PXDNL: variants seen among roughly 807,000 people sequenced by gnomAD.
The protein encoded by PXDNL is probable oxidoreductase PXDNL.
PXDNL carries 145 observed loss-of-function variants against 150.8 expected under a neutral mutation model. The ratio of observed to expected loss-of-function variants is 0.96; its 90% CI spans 0.84 to 1.10. The LOEUF (loss-of-function observed/expected upper bound fraction) is 1.10. Among genes scored for constraint, PXDNL ranks in the 50% least tolerant of loss-of-function variants. PXDNL has a pLI of 0.00. For missense variants in PXDNL, 2,087 were observed against 1,873.9 expected (o/e 1.11, Z -2.10); for synonymous variants, 757 against 725.7 (o/e 1.04, Z -0.69).
chr8:51,731,591 A>G (rs979633828), intron 1 of PXDNL, among the ~76,000 whole-genome samples: 1 of 152,210 alleles, frequency 6.6e-6, no homozygotes, highest in Non-Finnish European at 1.5e-5. Context: ...GGGGGTTCCC[A>G]TTCCACATTC....
In PXDNL at chr8:51,654,710, T is replaced by C. The variant is rs1193795098; in HGVS notation, c.215A>G (p.Lys72Arg). Reference protein sequence around the residue: ...IREIPGSAFKKLKNLNTLLLN... With the variant: ...IREIPGSAFKRLKNLNTLLLN... The stretch of plus-strand genomic sequence containing the variant: ...TCACAGTGTGTTCAAATTCTTGAGT[T>C]TCTTGAAGGCGCTCCCTGGAATTTC... Residue 72 changes from lysine to arginine, a missense_variant, in exon 2 of 23, where the codon AAA (lysine) becomes AGA (arginine). Transcript: ENST00000356297. 6 of 1,613,264 alleles carry C rather than the reference T, an allele frequency of 3.7e-6. No homozygotes were observed. The highest frequency in any genetic ancestry group is 1.3e-5 in the African/African-American group (1 of 74,922).
chr8:51,678,546 G>T (rs575926806), intron 1 of PXDNL, among the ~76,000 whole-genome samples: 1 of 151,010 alleles, frequency 6.6e-6, no homozygotes, highest in Non-Finnish European at 1.5e-5. Flanking sequence ...CATAAAAAAT[G>T]ATGAGTTCAT....
intron 1 of PXDNL, among the ~76,000 whole-genome samples, chr8:51,659,950 G>C (rs1239612108): frequency 6.6e-6 from 1 of 151,720 alleles, no homozygotes; most frequent in Admixed American, 6.6e-5. Flanking sequence ...GAGTGCAGTG[G>C]TGAGATCTTA....
rs1563497720 is a variant in PXDNL, at chr8:51,656,303, AGC to A, written c.165-1545_165-1544del. Among the ~76,000 whole-genome samples the A allele has an allele frequency of 2.0e-3, 310 of 152,282 alleles. 1 individual carries two copies. Among genetic ancestry groups the A allele is most frequent in the African/African-American group, 7.0e-3 (291 of 41,564 alleles). On this transcript the variant is annotated intron_variant, in intron 1 of 22. Coordinates refer to ENST00000356297, the MANE Select transcript of PXDNL (RefSeq NM_144651.5). Reference sequence around the variant, plus strand: ...GCCAAAATGAGCAAAATTTTATAGGAGCTATTATTTTCAATTAAAATTATTAA... The same window carrying A: ...GCCAAAATGAGCAAAATTTTATAGGATATTATTTTCAATTAAAATTATTAA...
At chr8:51,552,715 A>G (rs980173353) in intron 4 of PXDNL, among the ~76,000 whole-genome samples, 2 of 152,188 alleles carry the variant, frequency 1.3e-5, no homozygotes, top group Non-Finnish European at 2.9e-5. Context: ...AAGACTACAC[A>G]TTGGGTGCAG....
intron 2 of PXDNL, among the ~76,000 whole-genome samples, chr8:51,639,915 G>A (rs570144812): frequency 6.6e-6 from 1 of 152,192 alleles, no homozygotes; most frequent in South Asian, 2.1e-4. Flanking sequence ...GAGAATTTTA[G>A]ACCAATATAC....
intron 1 of PXDNL, among the ~76,000 whole-genome samples, chr8:51,760,945 G>A (rs59344101): frequency 0.14 from 19,034 of 133,102 alleles, 2,324 homozygotes; most frequent in African/African-American, 0.34. Context: ...TGCAAGCTCC[G>A]CCTCCCGGGT....
intron 12 of PXDNL, among the ~76,000 whole-genome samples, chr8:51,442,025 T>C (rs1809563563): frequency 6.6e-6 from 1 of 151,894 alleles, no homozygotes; most frequent in Admixed American, 6.6e-5. Flanking sequence ...AGGCTTTTCT[T>C]CTCCTTTTTT....
At chr8:51,367,506 T>C (rs765641769) in intron 19 of PXDNL, among the ~76,000 whole-genome samples, 1 of 152,190 alleles carries the variant, frequency 6.6e-6, no homozygotes, top group Non-Finnish European at 1.5e-5. Flanking sequence ...TAGAAATAAA[T>C]CTGACAACAC....
At chr8:51,396,891 A>G (rs1324088517) in intron 17 of PXDNL, among the ~76,000 whole-genome samples, 1 of 152,238 alleles carries the variant, frequency 6.6e-6, no homozygotes, top group Non-Finnish European at 1.5e-5. Flanking sequence ...ATGGAAGGAA[A>G]AAAGGACTTA....
chr8:51,397,754 C>T (rs113754833), intron 17 of PXDNL, among the ~76,000 whole-genome samples: 5 of 152,012 alleles, frequency 3.3e-5, no homozygotes, highest in African/African-American at 1.2e-4. Flanking sequence ...TAGGGAGAGG[C>T]CTTTTTTTTT....
intron 2 of PXDNL, among the ~76,000 whole-genome samples, chr8:51,598,391 T>G (rs545092133): frequency 2.0e-5 from 3 of 152,304 alleles, no homozygotes; most frequent in Admixed American, 2.0e-4. Context: ...GCTTATTATT[T>G]TGAAGTAGAT....
chr8:51,350,111 C>A (rs772661046), intron 19 of PXDNL, among the ~76,000 whole-genome samples: 20 of 151,506 alleles, frequency 1.3e-4, no homozygotes, highest in Non-Finnish European at 2.5e-4. Flanking sequence ...GGTTTAGAGG[C>A]ATAAAGTTTA....
chr8:51,568,775 T>A (rs1000921502), intron 3 of PXDNL, among the ~76,000 whole-genome samples: 3 of 151,896 alleles, frequency 2.0e-5, no homozygotes, highest in African/African-American at 7.2e-5. Flanking sequence ...TTCTTGAGTA[T>A]TGTGTTTCAT....
At chr8:51,512,100 TCAAGTGGG>T in intron 4 of PXDNL, among the ~76,000 whole-genome samples, 1 of 152,184 alleles carries the variant, frequency 6.6e-6, no homozygotes, top group East Asian at 1.9e-4. Context: ...AAAAAAAAAC[TCAAGTGGG>T]CAGGTGTGCA....
intron 21 of PXDNL, among the ~76,000 whole-genome samples, chr8:51,331,177 GA>G (rs1485643992): frequency 2.6e-5 from 4 of 152,136 alleles, no homozygotes; most frequent in African/African-American, 7.2e-5. Flanking sequence ...GTGGGAAAAG[GA>G]AACCCTCCTT....
At chr8:51,585,071 T>C (rs1179803363) in intron 3 of PXDNL, among the ~76,000 whole-genome samples, 1 of 152,138 alleles carries the variant, frequency 6.6e-6, no homozygotes, top group East Asian at 1.9e-4. Flanking sequence ...GCCAATATGA[T>C]GCACAGATAT....
At chr8:51,517,707 C>T (rs1490408248) in intron 4 of PXDNL, among the ~76,000 whole-genome samples, 5 of 152,138 alleles carry the variant, frequency 3.3e-5, no homozygotes, top group Non-Finnish European at 7.3e-5. Context: ...TGTTCTTTTT[C>T]CTAACTGGTG....
At chr8:51,552,794 C>T (rs1812521454) in intron 4 of PXDNL, among the ~76,000 whole-genome samples, 3 of 152,100 alleles carry the variant, frequency 2.0e-5, no homozygotes, top group Admixed American at 6.6e-5. Flanking sequence ...ATTCATGTAA[C>T]CAAACGCCAT....
Sources: gnomAD v4.1 joint callset for allele counts (sites outside exome capture counted in the v4.1 genomes callset) on GRCh38, gnomAD v4.1.1 for gene constraint, MANE v1.5 for transcripts, NCBI Gene and HGNC (gene_info 2026-07-23, HGNC 2026-07-21) for gene names.